Variants in GGACT observed in about 807,000 individuals in gnomAD.
GGACT encodes the protein gamma-glutamylaminecyclotransferase.
For missense variants in GGACT, 241 were observed against 233.2 expected (o/e 1.03, Z -0.22); for synonymous variants, 118 against 115.3 (o/e 1.02, Z -0.15).
intron 2 of GGACT, among the ~76,000 whole-genome samples, chr13:100,550,211 T>G (rs940984780): frequency 3.5e-4 from 53 of 151,712 alleles, no homozygotes; most frequent in Non-Finnish European, 1.0e-4. Context: ...AGGCCAAAAC[T>G]TCCAGAAAAA....
At chr13:100,536,362 G>A (rs967721612) in intron 2 of GGACT, 1 of 152,080 alleles carries the variant, frequency 6.6e-6, no homozygotes, top group African/African-American at 2.4e-5. Flanking sequence ...TATTCCGGCA[G>A]TGGAGGTCCT....
intron 2 of GGACT, among the ~76,000 whole-genome samples, chr13:100,577,727 A>C (rs1317690665): frequency 1.3e-5 from 2 of 152,040 alleles, no homozygotes; most frequent in East Asian, 3.9e-4. Flanking sequence ...CATGAGGGTT[A>C]CTATACTGTA....
At chr13:100,566,564 G>A (rs1020141033) in intron 2 of GGACT, among the ~76,000 whole-genome samples, 25 of 152,204 alleles carry the variant, frequency 1.6e-4, no homozygotes, top group Non-Finnish European at 2.8e-4. Context: ...TGCGGCTGCC[G>A]AGGTCCCCTT....
At chr13:100,556,087 G>A (rs2088705694) in intron 2 of GGACT, among the ~76,000 whole-genome samples, 3 of 152,236 alleles carry the variant, frequency 2.0e-5, no homozygotes, top group South Asian at 4.1e-4. Context: ...GCAAGGCAAG[G>A]ACGTCCACTC....
At chr13:100,556,795 C>A (rs1024424023) in intron 2 of GGACT, among the ~76,000 whole-genome samples, 1 of 151,718 alleles carries the variant, frequency 6.6e-6, no homozygotes, top group Non-Finnish European at 1.5e-5. Context: ...TAATATGTAC[C>A]CACAAAAATT....
In GGACT at chr13:100,548,712, A is replaced by T. The variant is rs78010587; in HGVS notation, c.-10-16111T>A. 8.3e-3 allele frequency among the ~76,000 whole-genome samples: 1,265 copies of T among 152,328 alleles called. 23 individuals carry two copies. Among genetic ancestry groups the T allele is most frequent in the African/African-American group, 0.029 (1,203 of 41,572 alleles). On this transcript the variant is annotated intron_variant, in intron 2 of 2. Transcript: ENST00000683975. ...TCTTGTGCCCTTAAAGTTTAAAATT[A>T]AAAAAATGTAAGAACCGAGAGCTGA...
At chr13:100,586,922 T>C (rs924776836) in intron 1 of GGACT, 8 of 152,240 alleles carry the variant, frequency 5.3e-5, no homozygotes, top group African/African-American at 1.9e-4. Flanking sequence ...TTACTGACAA[T>C]AGAGCTTCAA....
intron 1 of GGACT, among the ~76,000 whole-genome samples, chr13:100,587,549 C>T (rs898275327): frequency 1.3e-5 from 2 of 152,224 alleles, no homozygotes; most frequent in African/African-American, 4.8e-5. Context: ...GGGCAAACTG[C>T]AGGTGCTCTT....
intron 2 of GGACT, among the ~76,000 whole-genome samples, chr13:100,542,872 C>T (rs140515720): frequency 6.6e-6 from 1 of 152,344 alleles, no homozygotes; most frequent in Non-Finnish European, 1.5e-5. Flanking sequence ...ATGCCTGTCA[C>T]TTATTCAGCA....
intron 2 of GGACT, among the ~76,000 whole-genome samples, chr13:100,565,023 T>C (rs1254575913): frequency 6.6e-6 from 1 of 152,236 alleles, no homozygotes; most frequent in Non-Finnish European, 1.5e-5. Context: ...GAAAAGCCTG[T>C]TGTGATACAG....
chr13:100,538,362 C>G (rs1171236629), intron 2 of GGACT: 1 of 152,234 alleles, frequency 6.6e-6, no homozygotes, highest in Non-Finnish European at 1.5e-5. Flanking sequence ...TTGTTCCCTA[C>G]TTGTTTTAAA....
chr13:100,535,077 A>T (rs1011194761), intron 2 of GGACT, among the ~76,000 whole-genome samples: 3 of 152,240 alleles, frequency 2.0e-5, no homozygotes, highest in Non-Finnish European at 4.4e-5. Context: ...CAGCACCTGC[A>T]GGTGAGGAAG....
At chr13:100,588,187 T>C (rs1277885072) in intron 1 of GGACT, among the ~76,000 whole-genome samples, 1 of 152,198 alleles carries the variant, frequency 6.6e-6, no homozygotes, top group Non-Finnish European at 1.5e-5. Context: ...ATGATAACCA[T>C]AATTAATAAT....
intron 2 of GGACT, among the ~76,000 whole-genome samples, chr13:100,532,819 A>AT (rs1349550340): frequency 6.6e-6 from 1 of 152,246 alleles, no homozygotes; most frequent in African/African-American, 2.4e-5. Flanking sequence ...TAAACATGTG[A>AT]AAGCCATTCC....
At chr13:100,559,057 A>C (rs1046464978) in intron 2 of GGACT, among the ~76,000 whole-genome samples, 1 of 152,166 alleles carries the variant, frequency 6.6e-6, no homozygotes, top group Admixed American at 6.5e-5. Flanking sequence ...TGGATGATGA[A>C]AGTGTTCTAA....
intron 1 of GGACT, among the ~76,000 whole-genome samples, chr13:100,585,023 T>G (rs543268575): frequency 6.6e-6 from 1 of 152,326 alleles, no homozygotes; most frequent in East Asian, 1.9e-4. Flanking sequence ...TGAAGTAGAC[T>G]TGCCAAAAAT....
intron 2 of GGACT, among the ~76,000 whole-genome samples, chr13:100,564,130 T>C (rs771198669): frequency 6.6e-6 from 1 of 152,178 alleles, no homozygotes; most frequent in Non-Finnish European, 1.5e-5. Context: ...TTGGATTTAG[T>C]AATTTAGGAG....
In GGACT at chr13:100,550,187, C is replaced by A. The variant is rs367551186; in HGVS notation, c.-10-17586G>T. Among the ~76,000 whole-genome samples, 31 of 152,168 alleles carry A rather than the reference C, an allele frequency of 2.0e-4. No homozygotes were observed. In the East Asian group the frequency reaches 5.8e-3, roughly 28 times the overall value. ...GGCCGGCCACTGTGTGCTGGCCGGA[C>A]AGCCTGAATTCTGAGGCCAAAACTT... is the stretch of plus-strand genomic sequence containing the variant. On this transcript the variant is annotated intron_variant, in intron 2 of 2. Transcript: ENST00000683975.
intron 2 of GGACT, 91 bp from the exon 3 acceptor site, chr13:100,532,692 T>C (rs1263335086): frequency 9.9e-6 from 10 of 1,009,802 alleles, no homozygotes; most frequent in African/African-American, 1.6e-5. Context: ...GAGCCTCCAC[T>C]GGGGCCGCAC....
Sources: gnomAD v4.1 joint callset for allele counts (sites outside exome capture counted in the v4.1 genomes callset) on GRCh38, gnomAD v4.1.1 for gene constraint, MANE v1.5 for transcripts, NCBI Gene and HGNC (gene_info 2026-07-23, HGNC 2026-07-21) for gene names.